Variants in SPTBN1 observed in about 807,000 individuals in gnomAD.
The protein encoded by SPTBN1 is spectrin beta chain, non-erythrocytic 1.
Under a neutral mutation model 266.4 loss-of-function variants are expected in SPTBN1, and 32 were observed. The ratio of observed to expected loss-of-function variants is 0.12; its 90% CI spans 0.09 to 0.16. The LOEUF (loss-of-function observed/expected upper bound fraction) is 0.16. Among genes scored for constraint, SPTBN1 ranks in the 10% least tolerant of loss-of-function variants. SPTBN1 has a pLI of 1.00. For missense variants in SPTBN1, 2,296 were observed against 3,067.1 expected (o/e 0.75, Z 5.94); for synonymous variants, 1,336 against 1,162.2 (o/e 1.15, Z -3.04).
intron 2 of SPTBN1, among the ~76,000 whole-genome samples, chr2:54,585,915 C>T (rs1675259549): frequency 6.6e-6 from 1 of 152,160 alleles, no homozygotes; most frequent in Non-Finnish European, 1.5e-5. Flanking sequence ...TGGATTGGGT[C>T]AGCCTATCAT....
At chr2:54,666,207 C>T in intron 34 of SPTBN1, 119 bp downstream of exon 34, 1 of 1,131,190 alleles carries the variant, frequency 8.8e-7, no homozygotes. Context: ...CATTTTAAAT[C>T]CCCAATAAAG....
intron 2 of SPTBN1, among the ~76,000 whole-genome samples, chr2:54,572,383 T>C (rs1674146504): frequency 6.6e-6 from 1 of 152,242 alleles, no homozygotes; most frequent in African/African-American, 2.4e-5. Flanking sequence ...TTCAGATTTT[T>C]ATGTTGTGTG....
intron 9 of SPTBN1, among the ~76,000 whole-genome samples, chr2:54,622,833 A>G (rs138788106): frequency 2.6e-5 from 4 of 152,334 alleles, no homozygotes; most frequent in African/African-American, 7.2e-5. Flanking sequence ...GTTGTATATT[A>G]TAAGACCCCA....
intron 2 of SPTBN1, among the ~76,000 whole-genome samples, chr2:54,596,572 C>T (rs999544824): frequency 6.6e-6 from 1 of 152,122 alleles, no homozygotes; most frequent in Non-Finnish European, 1.5e-5. Context: ...TTAGACCCTG[C>T]GTGATTTTTC....
intron 17 of SPTBN1, among the ~76,000 whole-genome samples, chr2:54,636,786 T>C (rs185829504): frequency 7.3e-4 from 111 of 152,358 alleles, no homozygotes; most frequent in African/African-American, 2.5e-3. Context: ...CTTAATACCC[T>C]GAATATAGAC....
Position 54,664,477 on chromosome 2 carries a change from G to A in SPTBN1, c.6445G>A (p.Glu2149Lys), listed in dbSNP as rs766911283. The A allele has an allele frequency of 1.1e-5, 18 of 1,612,918 alleles. No homozygotes were observed. The highest frequency in any genetic ancestry group is 1.1e-4 in the African/African-American group (8 of 74,878). ...PRMAETVDTS[E>K]MVNGATEQRT... Reference sequence around the variant, plus strand: ...GATGGCAGAAACGGTGGACACAAGCGAAATGGTCAACGGCGCTACAGAACA... The same window carrying A: ...GATGGCAGAAACGGTGGACACAAGCAAAATGGTCAACGGCGCTACAGAACA... The change falls in exon 33 of 36, where the codon GAA becomes AAA. Residue 2149 changes from glutamate (E) to lysine (K), a missense_variant. This residue lies in a region of SPTBN1 where 347 missense variants were observed against 368.5 expected (regional missense o/e 0.94). Transcript: ENST00000356805. This position sits in a 1 kb window ranked among gnomAD's most constrained non-coding sequence, Gnocchi z 5.6.
Position 54,670,934 on chromosome 2 carries a change from G to C in SPTBN1, c.*2365G>C. On this transcript the variant is annotated 3_prime_UTR_variant, in exon 36 of 36. Coordinates refer to ENST00000356805, the MANE Select transcript of SPTBN1 (RefSeq NM_003128.3). ...AGCCTGATGAGCTTCAAGCCTGGCA[G>C]GGTAAATAGTTTTTGGGTTTTTTGT... The C allele has an allele frequency of 2.5e-6, 1 of 397,698 alleles. No homozygotes were observed. Among genetic ancestry groups the C allele is most frequent in the Non-Finnish European group, 4.4e-6 (1 of 225,956 alleles). The allele number at this position is 397,698 out of a possible 1,614,324, so 24.6% of individuals were successfully genotyped here.
At chr2:54,546,572 T>A (rs1672249452) in intron 2 of SPTBN1, 4 of 152,194 alleles carry the variant, frequency 2.6e-5, no homozygotes, top group Admixed American at 2.6e-4. Context: ...AAATAAAGTT[T>A]TTGAACAATT....
chr2:54,606,080 C>T (rs1452384057), intron 3 of SPTBN1, among the ~76,000 whole-genome samples: 2 of 152,204 alleles, frequency 1.3e-5, no homozygotes, highest in African/African-American at 4.8e-5. Context: ...TGGAATGTCT[C>T]ATACATGTTT....
chr2:54,590,052 A>G (rs1399018721), intron 2 of SPTBN1, among the ~76,000 whole-genome samples: 1 of 152,210 alleles, frequency 6.6e-6, no homozygotes, highest in African/African-American at 2.4e-5. Flanking sequence ...TCCTAATCAC[A>G]CCGTTGTGTA....
chr2:54,558,819 C>T lies in SPTBN1; in HGVS notation c.148+32253C>T, dbSNP rs940361537. 2.5e-6 allele frequency: 4 copies of T among 1,613,866 alleles called. No individual in the cohort carries two copies. Among genetic ancestry groups the T allele is most frequent in the African/African-American group, 2.7e-5 (2 of 75,044 alleles). ...ACGTCTAGTATCTCCGGGCCGCTGTCGCCGGCGTACACGGGGCAGGTGCCT... is the reference window on the plus strand; with the variant it reads ...ACGTCTAGTATCTCCGGGCCGCTGTTGCCGGCGTACACGGGGCAGGTGCCT... On this transcript the variant is annotated intron_variant, in intron 2 of 35. Transcript: ENST00000356805. The surrounding 1 kb of genome is among the most constrained non-coding windows in gnomAD (Gnocchi z 4.6).
At chr2:54,586,557 A>G (rs1218112221) in intron 2 of SPTBN1, among the ~76,000 whole-genome samples, 3 of 152,176 alleles carry the variant, frequency 2.0e-5, no homozygotes, top group Admixed American at 6.5e-5. Context: ...GGACTTCTGT[A>G]TCTTAGCTTA....
At chr2:54,465,639 C>CATATATATATATATATATATATATAT (rs70944167) in intron 1 of SPTBN1, among the ~76,000 whole-genome samples, 10 of 116,348 alleles carry the variant, frequency 8.6e-5, no homozygotes, top group African/African-American at 2.2e-4. Flanking sequence ...ATGTTTATCT[C>CATATATATATATATATATATATATAT]ATATATATAT....
rs1672423126 is a variant in SPTBN1, at chr2:54,549,199, G to A, written c.148+22633G>A. 2.0e-5 allele frequency among the ~76,000 whole-genome samples: 3 copies of A among 147,720 alleles called. No homozygotes were observed. In the South Asian group the frequency reaches 6.4e-4, roughly 32 times the overall value. On this transcript the variant is annotated intron_variant, in intron 2 of 35. Coordinates refer to ENST00000356805, the MANE Select transcript of SPTBN1 (RefSeq NM_003128.3). ...AGCTACTCGGAAAGCTGAGGCAAGA[G>A]AATCGCTTGAACCCTGGAAGCAGAG... is the stretch of plus-strand genomic sequence containing the variant.
intron 2 of SPTBN1, among the ~76,000 whole-genome samples, chr2:54,549,953 C>T (rs1672470975): frequency 1.3e-5 from 2 of 152,172 alleles, no homozygotes; most frequent in African/African-American, 4.8e-5. Context: ...CTGGTCTTTG[C>T]CCATGCCATC....
chr2:54,498,643 C>T (rs965938253), intron 1 of SPTBN1, among the ~76,000 whole-genome samples: 1 of 152,234 alleles, frequency 6.6e-6, no homozygotes, highest in Non-Finnish European at 1.5e-5. Flanking sequence ...ACTATATATA[C>T]ATCCCTAAAG....
At chr2:54,613,671 A>G (rs140098060) in intron 4 of SPTBN1, among the ~76,000 whole-genome samples, 1 of 152,374 alleles carries the variant, frequency 6.6e-6, no homozygotes, top group African/African-American at 2.4e-5. Context: ...ATGGTACAAC[A>G]TCATTAAAGG....
Position 54,485,557 on chromosome 2 carries a change from G to C in SPTBN1, c.-48+29039G>C, listed in dbSNP as rs529613358. On this transcript the variant is annotated intron_variant, in intron 1 of 35. Coordinates refer to ENST00000356805, the MANE Select transcript of SPTBN1 (RefSeq NM_003128.3). ...GGCTGGCTACAACCTCCACCTCCCA[G>C]CCGCCTGCCTTGGCCTCCCAAAGTG... is the stretch of plus-strand genomic sequence containing the variant. 7.7e-3 allele frequency among the ~76,000 whole-genome samples: 1,176 copies of C among 152,258 alleles called. 16 individuals are homozygous for C. The highest frequency in any genetic ancestry group is 0.027 in the African/African-American group (1,113 of 41,560).
chr2:54,529,612 G>T (rs756860634), intron 2 of SPTBN1: 2 of 721,854 alleles, frequency 2.8e-6, no homozygotes, highest in South Asian at 2.7e-5. Flanking sequence ...CCATGAAGAA[G>T]ATAAAAGACA....
Sources: allele counts gnomAD v4.1 joint callset (sites outside exome capture counted in the v4.1 genomes callset), GRCh38; gene constraint gnomAD v4.1.1; regional missense constraint gnomAD v4.1.1; non-coding constraint Gnocchi (gnomAD v3.1); transcripts MANE v1.5; gene names NCBI Gene and HGNC (gene_info 2026-07-23, HGNC 2026-07-21).